The following MRPS9 variants were observed in gnomAD, a reference collection of about 807,000 sequenced individuals.
The protein encoded by MRPS9 is small ribosomal subunit protein uS9m.
In MRPS9, 45 loss-of-function variants were observed where a neutral mutation model predicts 59.9. The observed-to-expected ratio is 0.75, with a 90% CI of 0.59 to 0.96. MRPS9 has a LOEUF of 0.96. Among genes scored for constraint, MRPS9 ranks in the 40% least tolerant of loss-of-function variants. The pLI, the probability that MRPS9 is intolerant of heterozygous loss-of-function variation, is 0.00. For missense variants in MRPS9, 473 were observed against 481.1 expected (o/e 0.98, Z 0.16); for synonymous variants, 171 against 166.8 (o/e 1.03, Z -0.19).
At chr2:105,065,750 A>G (rs1254627021) in intron 2 of MRPS9, among the ~76,000 whole-genome samples, 4 of 152,236 alleles carry the variant, frequency 2.6e-5, no homozygotes, top group Non-Finnish European at 5.9e-5. Flanking sequence ...TGCCCAAAAC[A>G]TATCTGTAGG....
At chr2:105,059,075 T>TG (rs1411035649) in intron 2 of MRPS9, among the ~76,000 whole-genome samples, 1 of 150,542 alleles carries the variant, frequency 6.6e-6, no homozygotes, top group Non-Finnish European at 1.5e-5. Context: ...CTGTGGGGTT[T>TG]TTTTTTTTTT....
intron 5 of MRPS9, among the ~76,000 whole-genome samples, chr2:105,085,043 A>G (rs2104464074): frequency 6.6e-6 from 1 of 152,040 alleles, no homozygotes; most frequent in African/African-American, 2.4e-5. Context: ...TCAGGTCATC[A>G]CTCCTGGGTG....
intron 2 of MRPS9, among the ~76,000 whole-genome samples, chr2:105,060,701 A>T (rs1369722246): frequency 6.6e-6 from 1 of 152,208 alleles, no homozygotes; most frequent in Non-Finnish European, 1.5e-5. Context: ...AGTAAGAACA[A>T]AGTTGTCTAC....
chr2:105,090,354 A>G (rs1680535220), intron 7 of MRPS9, among the ~76,000 whole-genome samples: 1 of 152,224 alleles, frequency 6.6e-6, no homozygotes, highest in Non-Finnish European at 1.5e-5. Flanking sequence ...AAGTGTAAGG[A>G]GTCATTATAG....
chr2:105,092,495 C>T lies in MRPS9; in HGVS notation c.746C>T (p.Thr249Ile), dbSNP rs773848451. 1 of 1,613,854 alleles carries T rather than the reference C, an allele frequency of 6.2e-7. No homozygotes were observed. The highest frequency in any genetic ancestry group is 8.5e-7 in the Non-Finnish European group (1 of 1,179,920). The part of the protein sequence containing the change: ...EFVQRFRRSV[T>I]LESKKQLIEP... ...GTGCAGAGGTTTCGAAGAAGTGTAA[C>T]TCTTGAATCAAAAAAACAGCTGATT... is the stretch of plus-strand genomic sequence containing the variant. Residue 249 changes from threonine to isoleucine, a missense_variant, in exon 8 of 11, where the codon ACT becomes ATT. Coordinates refer to ENST00000258455, the MANE Select transcript of MRPS9 (RefSeq NM_182640.3).
intron 4 of MRPS9, among the ~76,000 whole-genome samples, chr2:105,078,076 G>A (rs1186061264): frequency 1.3e-5 from 2 of 150,304 alleles, no homozygotes; most frequent in African/African-American, 4.9e-5. Context: ...CTGACGCAGA[G>A]TAGACAGACC....
At chr2:105,045,139 A>C (rs541932507) in intron 1 of MRPS9, among the ~76,000 whole-genome samples, 1 of 152,340 alleles carries the variant, frequency 6.6e-6, no homozygotes, top group Non-Finnish European at 1.5e-5. Context: ...TAAACTATGG[A>C]GAACAGAAGA....
At chr2:105,095,647 A>G (rs747318104) in intron 9 of MRPS9, among the ~76,000 whole-genome samples, 1 of 151,396 alleles carries the variant, frequency 6.6e-6, no homozygotes, top group South Asian at 2.1e-4. Flanking sequence ...ACAGGCATGC[A>G]CCACCATGCC....
intron 1 of MRPS9, chr2:105,038,443 G>T: frequency 1.7e-6 from 1 of 591,364 alleles, no homozygotes; most frequent in Non-Finnish European, 2.9e-6. Context: ...GGTGCAGCGA[G>T]GGGAACTTAC....
chr2:105,051,945 T>C (rs1381012672), intron 2 of MRPS9, among the ~76,000 whole-genome samples: 1 of 152,206 alleles, frequency 6.6e-6, no homozygotes, highest in Non-Finnish European at 1.5e-5. Context: ...CTTGGGATTT[T>C]CTAAATACAG....
intron 5 of MRPS9, among the ~76,000 whole-genome samples, chr2:105,083,850 G>C (rs572496240): frequency 4.6e-5 from 7 of 152,294 alleles, no homozygotes; most frequent in African/African-American, 1.7e-4. Flanking sequence ...GTGGGCTGTA[G>C]AACACTTCCT....
intron 5 of MRPS9, among the ~76,000 whole-genome samples, chr2:105,088,088 A>G (rs1351532284): frequency 6.6e-6 from 1 of 151,596 alleles, no homozygotes; most frequent in East Asian, 1.9e-4. Context: ...ATTTGCTGAT[A>G]CTAGGAGGTA....
At chr2:105,050,541 G>A (rs73945005) in intron 2 of MRPS9, among the ~76,000 whole-genome samples, 31,479 of 152,052 alleles carry the variant, frequency 0.21, 3,333 homozygotes, top group Middle Eastern at 0.35. Flanking sequence ...GGACAGTATT[G>A]GGGGATATTT....
intron 2 of MRPS9, among the ~76,000 whole-genome samples, chr2:105,055,809 G>C (rs1679782433): frequency 6.6e-6 from 1 of 152,310 alleles, no homozygotes; most frequent in East Asian, 1.9e-4. Context: ...TATGGCTGAT[G>C]AGTCAGCATT....
At chr2:105,079,198 G>A (rs1680277194) in intron 4 of MRPS9, among the ~76,000 whole-genome samples, 1 of 152,192 alleles carries the variant, frequency 6.6e-6, no homozygotes, top group Admixed American at 6.5e-5. Flanking sequence ...AAAAGTAAAA[G>A]GCAAGTGACA....
rs926117363 is a variant in MRPS9 at position 105,060,017 on chromosome 2, T to A, written c.315+10667T>A. 1.8e-4 allele frequency among the ~76,000 whole-genome samples: 18 copies of A among 100,572 alleles called. 1 individual carries two copies. The highest frequency in any genetic ancestry group is 2.2e-4 in the Admixed American group (2 of 9,022). The allele number at this position is 100,572 out of a possible 152,430, so 66.0% of individuals were successfully genotyped here. On this transcript the variant is annotated intron_variant, in intron 2 of 10. Coordinates refer to ENST00000258455, the MANE Select transcript of MRPS9 (RefSeq NM_182640.3). ...CTGAATCACATAACAGGAAAACTGC[T>A]AAAAAAAAAAAAAAAAAAAAAAGAC... is the stretch of plus-strand genomic sequence containing the variant.
chr2:105,059,795 G>T (rs1263981885), intron 2 of MRPS9, among the ~76,000 whole-genome samples: 2 of 151,870 alleles, frequency 1.3e-5, no homozygotes, highest in Non-Finnish European at 2.9e-5. Flanking sequence ...CAAACCACTT[G>T]CTGGCACTTT....
chr2:105,078,688 A>G (rs776073616), intron 4 of MRPS9, among the ~76,000 whole-genome samples: 2 of 152,212 alleles, frequency 1.3e-5, no homozygotes, highest in African/African-American at 4.8e-5. Flanking sequence ...GAAGAAAGAC[A>G]TCCTACATAT....
intron 2 of MRPS9, among the ~76,000 whole-genome samples, chr2:105,064,429 AGTG>A (rs1679961695): frequency 2.0e-5 from 2 of 97,880 alleles, no homozygotes; most frequent in Non-Finnish European, 5.0e-5. Context: ...CAGGAATGTG[AGTG>A]AGAATTGAGT....
Sources: allele counts gnomAD v4.1 joint callset (sites outside exome capture counted in the v4.1 genomes callset), GRCh38; gene constraint gnomAD v4.1.1; transcripts MANE v1.5; gene names NCBI Gene and HGNC (gene_info 2026-07-23, HGNC 2026-07-21).